The following PDE4D variants were observed in gnomAD, a reference collection of about 807,000 sequenced individuals.
PDE4D encodes 3',5'-cyclic-AMP phosphodiesterase 4D.
PDE4D carries 24 observed loss-of-function variants against 87.4 expected under a neutral mutation model. That is an observed-to-expected ratio of 0.27 (90% CI 0.20 to 0.39). The LOEUF (loss-of-function observed/expected upper bound fraction) is 0.39, where lower values mean the gene tolerates loss of function less well. Among genes scored for constraint, PDE4D ranks in the 10% least tolerant of loss-of-function variants. The pLI is 1.00. For missense variants in PDE4D, 714 were observed against 1,041.0 expected (o/e 0.69, Z 4.32); for synonymous variants, 384 against 383.2 (o/e 1.00, Z -0.02).
intron 1 of PDE4D, among the ~76,000 whole-genome samples, chr5:59,762,885 A>G (rs1390839861): frequency 7.2e-6 from 1 of 138,062 alleles, no homozygotes; most frequent in Non-Finnish European, 1.6e-5. Flanking sequence ...ATATATATAT[A>G]TATATATAGC....
At chr5:60,372,156 C>T (rs762777778) in intron 1 of PDE4D, among the ~76,000 whole-genome samples, 7,419 of 152,212 alleles carry the variant, frequency 0.049, 245 homozygotes, top group Non-Finnish European at 0.07. Flanking sequence ...TTTATTTTAG[C>T]CATCCTGATG....
At chr5:60,083,830 C>G (rs183708707) in intron 2 of PDE4D, among the ~76,000 whole-genome samples, 3 of 152,266 alleles carry the variant, frequency 2.0e-5, no homozygotes, top group Admixed American at 2.0e-4. Flanking sequence ...TGTTCCTTGA[C>G]AGTTGCTTTC....
intron 2 of PDE4D, among the ~76,000 whole-genome samples, chr5:60,174,834 T>C (rs1783775421): frequency 6.6e-6 from 1 of 152,118 alleles, no homozygotes; most frequent in South Asian, 2.1e-4. Flanking sequence ...TGGTTGCCTT[T>C]AAGGTTTTCT....
At chr5:58,993,173 C>T (rs1748310929) in intron 7 of PDE4D, among the ~76,000 whole-genome samples, 199 bp downstream of exon 7, 1 of 152,126 alleles carries the variant, frequency 6.6e-6, no homozygotes, top group Non-Finnish European at 1.5e-5. Flanking sequence ...CTAAATAAAA[C>T]TAAGAAAATG....
chr5:59,221,184 T>C (rs1561743990), intron 1 of PDE4D, among the ~76,000 whole-genome samples: 1 of 152,148 alleles, frequency 6.6e-6, no homozygotes, highest in Non-Finnish European at 1.5e-5. Context: ...ATTCTAAGGC[T>C]GGGGAGAATG....
intron 1 of PDE4D, among the ~76,000 whole-genome samples, chr5:59,482,679 A>G (rs1223337830): frequency 6.6e-6 from 1 of 152,176 alleles, no homozygotes; most frequent in Non-Finnish European, 1.5e-5. Flanking sequence ...CATCATTATC[A>G]TAACAGGGCA....
chr5:59,336,725 T>A (rs1028906415), intron 1 of PDE4D, among the ~76,000 whole-genome samples: 1 of 152,194 alleles, frequency 6.6e-6, no homozygotes, highest in Non-Finnish European at 1.5e-5. Flanking sequence ...GCTTATAGTA[T>A]GAGCTAATTA....
intron 1 of PDE4D, among the ~76,000 whole-genome samples, chr5:59,486,366 G>GC (rs1805155320): frequency 1.3e-5 from 2 of 152,234 alleles, no homozygotes; most frequent in African/African-American, 2.4e-5. Context: ...AATAGAAGAA[G>GC]CTTTTGGATA....
At chr5:60,396,400 T>G (rs1219802164) in intron 1 of PDE4D, among the ~76,000 whole-genome samples, 2 of 152,178 alleles carry the variant, frequency 1.3e-5, no homozygotes, top group Non-Finnish European at 2.9e-5. Context: ...TCCCTTATTT[T>G]CTTACGGGTC....
intron 1 of PDE4D, among the ~76,000 whole-genome samples, chr5:59,770,810 A>G (rs1043512626): frequency 6.6e-5 from 10 of 152,150 alleles, no homozygotes; most frequent in Non-Finnish European, 1.5e-4. Context: ...TTTTTGCCAG[A>G]CACTATAATG....
chr5:59,886,083 AT>A, intron 1 of PDE4D, among the ~76,000 whole-genome samples: 1 of 152,352 alleles, frequency 6.6e-6, no homozygotes, highest in Non-Finnish European at 1.5e-5. Context: ...ACAAGGTTTC[AT>A]TATTATTTCC....
At chr5:59,958,388 G>A (rs959068374) in intron 3 of PDE4D, among the ~76,000 whole-genome samples, 3 of 152,128 alleles carry the variant, frequency 2.0e-5, no homozygotes, top group Admixed American at 6.5e-5. Flanking sequence ...GCATGGGAAA[G>A]AGGAACAGAA....
intron 1 of PDE4D, among the ~76,000 whole-genome samples, chr5:59,313,560 C>T (rs952051085): frequency 1.3e-5 from 2 of 151,268 alleles, no homozygotes; most frequent in Non-Finnish European, 2.9e-5. Flanking sequence ...TGAGTGGGGA[C>T]AACTTCTGCT....
At chr5:59,594,292 T>TTTTATTTATTTATTTA (rs142839056) in intron 1 of PDE4D, among the ~76,000 whole-genome samples, 5 of 140,962 alleles carry the variant, frequency 3.5e-5, no homozygotes, top group African/African-American at 8.0e-5. Context: ...AACTTTTTTA[T>TTTTATTTATTTATTTA]TTTATTTATT....
At chr5:60,514,712 A>G (rs1319268514) in intron 1 of PDE4D, among the ~76,000 whole-genome samples, 2 of 149,948 alleles carry the variant, frequency 1.3e-5, no homozygotes, top group African/African-American at 5.1e-5. Context: ...TTTACAAAAA[A>G]AATTGTTAAC....
chr5:59,010,603 C>T (rs1752591763), intron 6 of PDE4D, among the ~76,000 whole-genome samples: 1 of 152,010 alleles, frequency 6.6e-6, no homozygotes. Flanking sequence ...AATGAGTATC[C>T]TTTGTATGCT....
chr5:59,559,950 T>C (rs1213819456), intron 1 of PDE4D, among the ~76,000 whole-genome samples: 1 of 152,190 alleles, frequency 6.6e-6, no homozygotes, highest in African/African-American at 2.4e-5. Context: ...TTTCTTGACA[T>C]ATAGTCCAAT....
chr5:59,978,426 C>G (rs1761566565), intron 3 of PDE4D, among the ~76,000 whole-genome samples: 1 of 152,078 alleles, frequency 6.6e-6, no homozygotes, highest in Non-Finnish European at 1.5e-5. Flanking sequence ...CTGGAAATTG[C>G]AAGAGAACTA....
chr5:60,227,131 T>C (rs1175879593), intron 1 of PDE4D, among the ~76,000 whole-genome samples: 1 of 150,686 alleles, frequency 6.6e-6, no homozygotes, highest in African/African-American at 2.4e-5. Context: ...ACTTCTTGAA[T>C]ATTTAAAGTT....
Sources: gnomAD v4.1 joint callset for allele counts (sites outside exome capture counted in the v4.1 genomes callset) on GRCh38, gnomAD v4.1.1 for gene constraint, MANE v1.5 for transcripts, NCBI Gene and HGNC (gene_info 2026-07-23, HGNC 2026-07-21) for gene names.